The following SYT16 variants were observed in gnomAD, a reference collection of about 807,000 sequenced individuals.
The protein encoded by SYT16 is synaptotagmin 16.
In SYT16, 42 loss-of-function variants were observed where a neutral mutation model predicts 61.4. The ratio of observed to expected loss-of-function variants is 0.68; its 90% CI spans 0.53 to 0.89. The LOEUF is 0.89. Ranked by LOEUF, SYT16 falls within the 40% of genes least tolerant of loss-of-function variation. SYT16 has a pLI of 0.00. For missense variants in SYT16, 804 were observed against 807.3 expected (o/e 1.00, Z 0.05); for synonymous variants, 314 against 302.3 (o/e 1.04, Z -0.40).
intron 1 of SYT16, among the ~76,000 whole-genome samples, chr14:61,945,463 T>C (rs555107822): frequency 1.5e-3 from 223 of 152,260 alleles, no homozygotes; most frequent in African/African-American, 5.3e-3. Flanking sequence ...CTGTTCACAA[T>C]AGCAAAGACT....
chr14:62,097,335 C>G (rs1255187013), intron 7 of SYT16, among the ~76,000 whole-genome samples: 1 of 152,114 alleles, frequency 6.6e-6, no homozygotes, highest in Admixed American at 6.6e-5. Flanking sequence ...TGAATCACCA[C>G]CAGAAAAGAA....
In SYT16 at chr14:62,081,132, G is replaced by A. The variant is rs756911852; in HGVS notation, c.1292G>A (p.Cys431Tyr). 33 of 1,613,842 alleles carry A rather than the reference G, an allele frequency of 2.0e-5. No individual in the cohort carries two copies. In the African/African-American group the frequency reaches 3.6e-4, roughly 18 times the overall value. Residue 431 changes from cysteine (C) to tyrosine (Y), a missense_variant, in exon 6 of 8, where the codon TGT becomes TAT. By Grantham distance (194) the Cys-to-Tyr change is radical (BLOSUM62 -2). Transcript: ENST00000683842. ...CTGGAGCCCAGAGATGTGGCTGCCT[G>A]TGCTGTCCGCTTCCGCCTGTACGCT... is the stretch of plus-strand genomic sequence containing the variant. ...AKLEPRDVAA[C>Y]AVRFRLYAAR...
chr14:61,847,941 G>C (rs2046492255), intron 1 of SYT16, among the ~76,000 whole-genome samples: 1 of 152,134 alleles, frequency 6.6e-6, no homozygotes. Flanking sequence ...ACATTTATCT[G>C]ATAGGATTCT....
chr14:61,996,580 A>T, intron 3 of SYT16, 38 bp downstream of exon 3: 1 of 1,543,278 alleles, frequency 6.5e-7, no homozygotes, highest in Non-Finnish European at 8.7e-7. Flanking sequence ...GCGTTCCTCC[A>T]AAGAGCATTT....
At chr14:62,053,025 T>A (rs1178464687) in intron 3 of SYT16, among the ~76,000 whole-genome samples, 1 of 152,118 alleles carries the variant, frequency 6.6e-6, no homozygotes, top group African/African-American at 2.4e-5. Context: ...AACCGGGTAA[T>A]GGGTAGAGGC....
At chr14:62,064,946 C>T (rs117960587) in intron 3 of SYT16, among the ~76,000 whole-genome samples, 10 of 152,272 alleles carry the variant, frequency 6.6e-5, no homozygotes, top group South Asian at 2.1e-4. Flanking sequence ...TGCAAGAGAT[C>T]GCAAGTTTCA....
intron 6 of SYT16, among the ~76,000 whole-genome samples, chr14:62,083,460 C>T (rs899353439): frequency 3.3e-5 from 5 of 152,148 alleles, no homozygotes; most frequent in African/African-American, 1.2e-4. Context: ...GTGCCCGTGC[C>T]TGGTGGGGAA....
At chr14:61,970,859 C>G (rs1163491562) in intron 2 of SYT16, among the ~76,000 whole-genome samples, 2 of 151,944 alleles carry the variant, frequency 1.3e-5, no homozygotes, top group Non-Finnish European at 2.9e-5. Flanking sequence ...GATGTTCTTA[C>G]AGAGGGATGG....
At chr14:62,036,332 G>A (rs78614535) in intron 3 of SYT16, among the ~76,000 whole-genome samples, 4,417 of 152,166 alleles carry the variant, frequency 0.029, 224 homozygotes, top group African/African-American at 0.1. Flanking sequence ...GGCTGGAAGC[G>A]GAGATGGGCA....
intron 1 of SYT16, among the ~76,000 whole-genome samples, chr14:61,957,755 C>T (rs547808926): frequency 4.2e-4 from 63 of 151,674 alleles, no homozygotes; most frequent in Non-Finnish European, 8.4e-4. Flanking sequence ...GGGAAATTGG[C>T]CTCTAGTTTT....
At chr14:62,013,966 A>AG (rs1180715207) in intron 3 of SYT16, among the ~76,000 whole-genome samples, 16 of 151,492 alleles carry the variant, frequency 1.1e-4, no homozygotes, top group Admixed American at 1.1e-3. Flanking sequence ...TCCATCTCAA[A>AG]AAAAAAAAAA....
At chr14:62,015,855 G>T (rs1595161510) in intron 3 of SYT16, among the ~76,000 whole-genome samples, 1 of 152,286 alleles carries the variant, frequency 6.6e-6, no homozygotes, top group East Asian at 1.9e-4. Context: ...ATGGTATGTT[G>T]TTATAGCAGC....
intron 1 of SYT16, among the ~76,000 whole-genome samples, chr14:61,893,820 G>A (rs1027886491): frequency 6.6e-6 from 1 of 152,222 alleles, no homozygotes; most frequent in Non-Finnish European, 1.5e-5. Context: ...TGGTGGCAGA[G>A]CTGGAGGTAG....
intron 3 of SYT16, among the ~76,000 whole-genome samples, chr14:62,057,552 A>G (rs1228170978): frequency 2.0e-5 from 3 of 152,202 alleles, no homozygotes; most frequent in Non-Finnish European, 2.9e-5. Context: ...TGGGGAGTAG[A>G]GAAATGCAAC....
At chr14:61,977,667 G>T (rs2051875513) in intron 2 of SYT16, among the ~76,000 whole-genome samples, 1 of 152,024 alleles carries the variant, frequency 6.6e-6, no homozygotes, top group African/African-American at 2.4e-5. Flanking sequence ...ATGAGGTTTG[G>T]GTGGGGACAC....
intron 6 of SYT16, among the ~76,000 whole-genome samples, chr14:62,082,785 A>C (rs185068545): frequency 2.0e-5 from 3 of 152,334 alleles, no homozygotes; most frequent in Admixed American, 2.0e-4. Flanking sequence ...GCTAGGCCCT[A>C]TGCTGTGTGC....
intron 3 of SYT16, among the ~76,000 whole-genome samples, chr14:62,030,341 A>T (rs536484193): frequency 6.6e-6 from 1 of 152,334 alleles, no homozygotes; most frequent in East Asian, 1.9e-4. Context: ...TGTTTTAAAC[A>T]GAACTTACTC....
At chr14:61,846,076 C>T (rs1057068481) in intron 1 of SYT16, among the ~76,000 whole-genome samples, 1 of 151,982 alleles carries the variant, frequency 6.6e-6, no homozygotes, top group Non-Finnish European at 1.5e-5. Context: ...GTTTTTTGAC[C>T]TAACATATGG....
At chr14:62,083,220 T>C (rs890459623) in intron 6 of SYT16, among the ~76,000 whole-genome samples, 16 of 152,230 alleles carry the variant, frequency 1.1e-4, no homozygotes, top group African/African-American at 3.4e-4. Context: ...ATGGGCAGAA[T>C]ATTTGATTCC....
Sources: gnomAD v4.1 joint callset for allele counts (sites outside exome capture counted in the v4.1 genomes callset) on GRCh38, gnomAD v4.1.1 for gene constraint, MANE v1.5 for transcripts, NCBI Gene and HGNC (gene_info 2026-07-23, HGNC 2026-07-21) for gene names.